The following DCTN5 variants were observed in gnomAD, a reference collection of about 807,000 sequenced individuals.
The protein encoded by DCTN5 is dynactin subunit 5.
In DCTN5, 14 loss-of-function variants were observed where a neutral mutation model predicts 23.5. The observed-to-expected ratio is 0.60, with a 90% CI of 0.39 to 0.93. The LOEUF (loss-of-function observed/expected upper bound fraction) is 0.93. Ranked by LOEUF, DCTN5 falls within the 40% of genes least tolerant of loss-of-function variation. The pLI is 0.00. For missense variants in DCTN5, 156 were observed against 225.9 expected, an observed-to-expected ratio of 0.69 and a Z score of 1.98; for synonymous variants, 67 against 79.6, an observed-to-expected ratio of 0.84 and a Z score of 0.84.
chr16:23,649,564 C>A (rs1452033608), intron 2 of DCTN5, among the ~76,000 whole-genome samples: 3 of 152,066 alleles, frequency 2.0e-5, no homozygotes, highest in Non-Finnish European at 4.4e-5. Context: ...AGTTATAGAC[C>A]AGGTGCAGTG....
At chr16:23,652,517 G>A (rs1392324766) in intron 2 of DCTN5, among the ~76,000 whole-genome samples, 1 of 151,966 alleles carries the variant, frequency 6.6e-6, no homozygotes, top group Non-Finnish European at 1.5e-5. Context: ...GGTATAATTT[G>A]CATACAATAA....
At chr16:23,654,724 A>G (rs1266735278) in intron 2 of DCTN5, among the ~76,000 whole-genome samples, 2 of 152,172 alleles carry the variant, frequency 1.3e-5, no homozygotes, top group Admixed American at 6.5e-5. Flanking sequence ...ATCAAGCTGT[A>G]TATTTGTGCC....
At chr16:23,643,507 T>C (rs1189497417) in intron 2 of DCTN5, among the ~76,000 whole-genome samples, 1 of 152,016 alleles carries the variant, frequency 6.6e-6, no homozygotes, top group East Asian at 1.9e-4. Flanking sequence ...TTGGATCTCT[T>C]GAATGCAAAA....
chr16:23,651,902 G>T (rs1043791014), intron 2 of DCTN5, among the ~76,000 whole-genome samples: 2 of 152,142 alleles, frequency 1.3e-5, no homozygotes, highest in Non-Finnish European at 2.9e-5. Flanking sequence ...TAGTGTGATG[G>T]CATGCGCCTG....
chr16:23,661,592 C>G (rs1425622169), intron 4 of DCTN5, among the ~76,000 whole-genome samples: 1 of 152,088 alleles, frequency 6.6e-6, no homozygotes, highest in African/African-American at 2.4e-5. Context: ...GTGGCGCATG[C>G]CTGTAGTCCC....
chr16:23,646,487 A>T (rs1383191956), intron 2 of DCTN5, among the ~76,000 whole-genome samples: 1 of 151,980 alleles, frequency 6.6e-6, no homozygotes, highest in African/African-American at 2.4e-5. Flanking sequence ...ATCCAAACTT[A>T]TGGCCATGAA....
At chr16:23,666,796 A>G (rs968730367) in intron 5 of DCTN5, 4 of 546,344 alleles carry the variant, frequency 7.3e-6, no homozygotes, top group African/African-American at 3.8e-5. Context: ...TGGCCATTCT[A>G]CCGTGTCATG....
At chr16:23,655,359 A>G (rs983355055) in intron 2 of DCTN5, among the ~76,000 whole-genome samples, 16 of 152,050 alleles carry the variant, frequency 1.1e-4, no homozygotes, top group African/African-American at 3.9e-4. Context: ...AGGGAACGCT[A>G]GAGTTTTTTA....
In DCTN5 at chr16:23,670,839, G is replaced by A. The variant is rs1967993814; in HGVS notation, c.*3695G>A. On this transcript the variant is annotated 3_prime_UTR_variant, in exon 6 of 6. Transcript: ENST00000300087. ...TAGAATATGTGCTTGCTTCCATTTA[G>A]GGGTAAGAAGGTGGGCCCCTCACCA... 1 of 152,166 alleles carries A rather than the reference G, an allele frequency of 6.6e-6. No individual in the cohort carries two copies. Among genetic ancestry groups the A allele is most frequent in the Non-Finnish European group, 1.5e-5 (1 of 68,038 alleles). 9.4% of individuals were successfully genotyped at this position (152,166 alleles called of 1,614,324 possible). A position where few individuals can be genotyped will look rare whatever the true frequency, so the allele number is the denominator to read the frequency against.
chr16:23,665,831 G>A, intron 5 of DCTN5, 103 bp downstream of exon 5: 2 of 929,494 alleles, frequency 2.2e-6, no homozygotes, highest in Non-Finnish European at 3.3e-6. Context: ...GCAATATGTT[G>A]ATAGAGCTAA....
chr16:23,661,091 A>G, intron 3 of DCTN5, 79 bp from the exon 4 acceptor site: 1 of 912,502 alleles, frequency 1.1e-6, no homozygotes, highest in African/African-American at 1.7e-5. Context: ...AGTTCAAATT[A>G]TGATCTGTAG....
intron 2 of DCTN5, among the ~76,000 whole-genome samples, chr16:23,645,087 A>C (rs1395695865): frequency 2.7e-4 from 3 of 11,042 alleles, no homozygotes; most frequent in African/African-American, 1.1e-3. Flanking sequence ...GCCTAACTAT[A>C]TATATATATA....
chr16:23,644,554 C>T (rs1967382516), intron 2 of DCTN5, among the ~76,000 whole-genome samples: 1 of 151,822 alleles, frequency 6.6e-6, no homozygotes, highest in African/African-American at 2.4e-5. Context: ...CCTGCCTTGT[C>T]CTCCGAAAGT....
intron 2 of DCTN5, chr16:23,651,102 A>C: frequency 3.8e-6 from 5 of 1,329,686 alleles, no homozygotes; most frequent in Non-Finnish European, 4.8e-6. Context: ...ATAGCTAAAA[A>C]AAATTAAAAG....
chr16:23,656,103 C>T (rs953361981), intron 2 of DCTN5, among the ~76,000 whole-genome samples: 2 of 152,124 alleles, frequency 1.3e-5, no homozygotes, highest in African/African-American at 2.4e-5. Flanking sequence ...TGGCATGCAC[C>T]TGTAGTCCCA....
chr16:23,641,793 G>C (rs926063947), intron 1 of DCTN5, among the ~76,000 whole-genome samples: 3 of 152,082 alleles, frequency 2.0e-5, no homozygotes, highest in Non-Finnish European at 4.4e-5. Context: ...ATTTATTCCT[G>C]ATTTTCTCAT....
chr16:23,645,650 C>A (rs770771728), intron 2 of DCTN5, among the ~76,000 whole-genome samples: 4 of 152,120 alleles, frequency 2.6e-5, no homozygotes, highest in Non-Finnish European at 5.9e-5. Context: ...TGGAATCATA[C>A]AATATTTGTC....
rs112460422 is a variant in DCTN5 at position 23,667,278 on chromosome 16, G to C, written c.*134G>C. ...CTCCTCCTTTTAAAAAATTTCTTTA[G>C]AATTTCTCAATCTTCAAGGCTCTAA... On this transcript the variant is annotated 3_prime_UTR_variant, in exon 6 of 6. Coordinates refer to ENST00000300087, the MANE Select transcript of DCTN5 (RefSeq NM_032486.4). The C allele has an allele frequency of 1.3e-5, 15 of 1,137,838 alleles. No individual in the cohort carries two copies. In the African/African-American group the frequency reaches 1.9e-4, roughly 14 times the overall value. The allele number at this position is 1,137,838 out of a possible 1,614,324, so 70.5% of individuals were successfully genotyped here.
chr16:23,642,891 G>A (rs767873406), intron 1 of DCTN5, 64 bp from the exon 2 acceptor site: 18 of 1,442,064 alleles, frequency 1.2e-5, no homozygotes, highest in Non-Finnish European at 1.7e-5. Context: ...CTTTCTTGAT[G>A]GAAACCTGTA....
Sources: allele counts gnomAD v4.1 joint callset (sites outside exome capture counted in the v4.1 genomes callset), GRCh38; gene constraint gnomAD v4.1.1; transcripts MANE v1.5; gene names NCBI Gene and HGNC (gene_info 2026-07-23, HGNC 2026-07-21).